Variants in PALLD observed in about 807,000 individuals in gnomAD.
PALLD encodes palladin, cytoskeletal associated protein.
In PALLD, 61 loss-of-function variants were observed where a neutral mutation model predicts 123.5. The ratio of observed to expected loss-of-function variants is 0.49; its 90% confidence interval spans 0.40 to 0.61. The LOEUF is 0.61. Ranked by LOEUF, PALLD falls within the 20% of genes least tolerant of loss-of-function variation. The pLI is 0.00. For synonymous variants in PALLD, 465 were observed against 496.4 expected (o/e 0.94, Z 0.84); for missense variants, 1,273 against 1,377.0 (o/e 0.92, Z 1.20).
intron 17 of PALLD, among the ~76,000 whole-genome samples, chr4:168,918,466 T>C (rs920995979): frequency 6.6e-6 from 1 of 152,094 alleles, no homozygotes; most frequent in Non-Finnish European, 1.5e-5. Context: ...ATCTTACTTA[T>C]ATGTGCAATA....
chr4:168,836,538 C>G (rs1745211981), intron 10 of PALLD, among the ~76,000 whole-genome samples: 2 of 152,066 alleles, frequency 1.3e-5, no homozygotes, highest in Non-Finnish European at 2.9e-5. Flanking sequence ...GAGAGCTAAC[C>G]TTTGTTGAAT....
intron 1 of PALLD, among the ~76,000 whole-genome samples, chr4:168,499,180 CAAAAAAAA>C (rs1157137965): frequency 2.0e-3 from 32 of 16,382 alleles, no homozygotes; most frequent in African/African-American, 6.6e-3. Flanking sequence ...CCCTTTGTAG[CAAAAAAAA>C]AAAAAAAAAA....
chr4:168,618,423 T>A (rs2149790112), intron 2 of PALLD, among the ~76,000 whole-genome samples: 1 of 152,284 alleles, frequency 6.6e-6, no homozygotes, highest in African/African-American at 2.4e-5. Flanking sequence ...AGGATCTGGG[T>A]AGAGAAGCTT....
chr4:168,677,367 AAGGG>A (rs1384175321), intron 3 of PALLD, among the ~76,000 whole-genome samples: 1 of 152,068 alleles, frequency 6.6e-6, no homozygotes, highest in Non-Finnish European at 1.5e-5. Flanking sequence ...CAGATTTCAC[AAGGG>A]TTGGACAGGT....
intron 2 of PALLD, among the ~76,000 whole-genome samples, chr4:168,611,850 A>T (rs1019329312): frequency 1.3e-5 from 2 of 152,158 alleles, no homozygotes; most frequent in African/African-American, 4.8e-5. Context: ...TTAATGAGTC[A>T]GATTCATCAG....
intron 8 of PALLD, among the ~76,000 whole-genome samples, chr4:168,708,202 C>G (rs1275764715): frequency 1.3e-5 from 2 of 152,146 alleles, no homozygotes; most frequent in Non-Finnish European, 2.9e-5. Flanking sequence ...TAGATTTAAT[C>G]TATGTTAAGT....
At chr4:168,899,888 C>T (rs1322926784) in intron 14 of PALLD, among the ~76,000 whole-genome samples, 1 of 150,728 alleles carries the variant, frequency 6.6e-6, no homozygotes, top group Non-Finnish European at 1.5e-5. Flanking sequence ...TGCACTCCAG[C>T]TCAGGGCAAC....
At chr4:168,817,967 T>G (rs1490843930) in intron 10 of PALLD, among the ~76,000 whole-genome samples, 1 of 151,788 alleles carries the variant, frequency 6.6e-6, no homozygotes. Flanking sequence ...CCCAGAAGAG[T>G]TTGGGTAGAG....
intron 2 of PALLD, among the ~76,000 whole-genome samples, chr4:168,638,332 C>T (rs1261156401): frequency 1.3e-5 from 2 of 152,206 alleles, no homozygotes; most frequent in Non-Finnish European, 2.9e-5. Context: ...AAGCTGTGCT[C>T]TCAGACCTTC....
chr4:168,831,974 C>T (rs1323139713), intron 10 of PALLD: 4 of 984,472 alleles, frequency 4.1e-6, no homozygotes, highest in Admixed American at 6.1e-5. Context: ...AGCCACGCCT[C>T]CTCTCTCCCG....
intron 10 of PALLD, chr4:168,863,792 G>A (rs1392389360): frequency 6.6e-6 from 1 of 152,152 alleles, no homozygotes; most frequent in Non-Finnish European, 1.5e-5. Flanking sequence ...AAAATCACCA[G>A]TAAGTTCGTA....
chr4:168,748,799 T>A (rs1730651925), intron 10 of PALLD, among the ~76,000 whole-genome samples: 1 of 152,214 alleles, frequency 6.6e-6, no homozygotes, highest in South Asian at 2.1e-4. Flanking sequence ...TAGAGGCCAC[T>A]CCAGTTATCT....
Position 168,711,652 on chromosome 4 carries a change from C to T in PALLD, c.1693C>T (p.Pro565Ser). 2 of 1,614,034 alleles carry T rather than the reference C, an allele frequency of 1.2e-6. No homozygotes were observed. The highest frequency in any genetic ancestry group is 1.1e-5 in the South Asian group (1 of 91,062). Residue 565 changes from proline (P) to serine (S), a missense_variant, in exon 10 of 22, where the codon CCC becomes TCC. Pro to Ser is a moderately conservative substitution (Grantham distance 74, BLOSUM62 -1). Transcript: ENST00000505667. ...NNDHFQHFPP[P>S]PPILETSSLE... Reference sequence around the variant, plus strand: ...TGACCACTTCCAACACTTTCCACCTCCCCCTCCAATCTTGGAGACAAGTTC... The same window carrying T: ...TGACCACTTCCAACACTTTCCACCTTCCCCTCCAATCTTGGAGACAAGTTC...
chr4:168,822,671 T>C (rs1300018965), intron 10 of PALLD, among the ~76,000 whole-genome samples: 2 of 152,198 alleles, frequency 1.3e-5, no homozygotes, highest in Non-Finnish European at 2.9e-5. Flanking sequence ...TGGGCGGTTT[T>C]ATTTTCCCAG....
chr4:168,541,812 C>T (rs921395028), intron 2 of PALLD, among the ~76,000 whole-genome samples: 45 of 151,966 alleles, frequency 3.0e-4, no homozygotes, highest in African/African-American at 1.1e-3. Context: ...TTTGATTGCC[C>T]AATTATATGT....
intron 1 of PALLD, among the ~76,000 whole-genome samples, chr4:168,500,927 A>G (rs939981752): frequency 6.6e-6 from 1 of 152,248 alleles, no homozygotes; most frequent in Non-Finnish European, 1.5e-5. Flanking sequence ...TCATGCCAAG[A>G]TAAGATTCAC....
At chr4:168,673,441 G>T (rs897396919) in intron 3 of PALLD, among the ~76,000 whole-genome samples, 1 of 152,258 alleles carries the variant, frequency 6.6e-6, no homozygotes, top group East Asian at 1.9e-4. Context: ...GTTGCAGGAA[G>T]AAGTCCAGGG....
intron 2 of PALLD, among the ~76,000 whole-genome samples, chr4:168,552,989 C>T (rs1235470572): frequency 2.0e-5 from 3 of 152,050 alleles, no homozygotes; most frequent in Non-Finnish European, 2.9e-5. Context: ...ATGTGTTAAG[C>T]ATTGTGCTAA....
rs185381870 is a variant in PALLD, at chr4:168,830,622, T to C, written c.1965-60300T>C. 3.2e-4 allele frequency among the ~76,000 whole-genome samples: 49 copies of C among 152,378 alleles called. No homozygotes were observed. In the East Asian group the frequency reaches 4.2e-3, roughly 13 times the overall value. On this transcript the variant is annotated intron_variant, in intron 10 of 21. Transcript: ENST00000505667. Reference sequence around the variant, plus strand: ...ACACATCCAAAAGCCTGGAGGACTATATTTTAGGCAGCTAACAATTTATCT... The same window carrying C: ...ACACATCCAAAAGCCTGGAGGACTACATTTTAGGCAGCTAACAATTTATCT...
Sources: gnomAD v4.1 joint callset for allele counts (sites outside exome capture counted in the v4.1 genomes callset) on GRCh38, gnomAD v4.1.1 for gene constraint, MANE v1.5 for transcripts, NCBI Gene and HGNC (gene_info 2026-07-23, HGNC 2026-07-21) for gene names.